Variants in SHISA6 observed in about 807,000 individuals in gnomAD.
The protein encoded by SHISA6 is shisa family member 6.
A neutral mutation model predicts 47.9 loss-of-function variants in SHISA6; 22 were observed. The observed-to-expected ratio is 0.46, with a 90% CI of 0.33 to 0.66. The LOEUF is 0.66. SHISA6 is among the 30% of genes least tolerant of loss of function. The pLI is 0.02. For missense variants in SHISA6, 680 were observed against 764.6 expected (o/e 0.89, Z 1.30); for synonymous variants, 388 against 337.8 (o/e 1.15, Z -1.63).
intron 2 of SHISA6, among the ~76,000 whole-genome samples, chr17:11,320,110 T>C (rs931621454): frequency 6.6e-6 from 1 of 152,210 alleles, no homozygotes; most frequent in African/African-American, 2.4e-5. Context: ...AATGAGGAAA[T>C]TAATGTAGGC....
intron 3 of SHISA6, among the ~76,000 whole-genome samples, chr17:11,483,801 TA>T (rs1370682616): frequency 1.3e-5 from 2 of 152,008 alleles, no homozygotes; most frequent in Non-Finnish European, 2.9e-5. Flanking sequence ...ATAAAAAAAT[TA>T]AAAATTTGCT....
At chr17:11,388,540 C>A (rs1458020044) in intron 3 of SHISA6, among the ~76,000 whole-genome samples, 2 of 151,848 alleles carry the variant, frequency 1.3e-5, no homozygotes, top group Non-Finnish European at 2.9e-5. Flanking sequence ...TACGGAGAAC[C>A]TGTCATTGCC....
intron 3 of SHISA6, among the ~76,000 whole-genome samples, chr17:11,483,864 G>A (rs1239766182): frequency 1.3e-5 from 2 of 152,176 alleles, no homozygotes; most frequent in African/African-American, 4.8e-5. Flanking sequence ...GCTGAGGCAG[G>A]AGGATCGCTT....
At position 11,303,810 on chromosome 17, in the gene SHISA6, G is replaced by T. The variant is rs114322666; in HGVS notation, c.799+40284G>T. Among the ~76,000 whole-genome samples the T allele has an allele frequency of 2.5e-3, 377 of 152,332 alleles. 5 individuals are homozygous for T. The highest frequency in any genetic ancestry group is 8.7e-3 in the African/African-American group (361 of 41,582). On this transcript the variant is annotated intron_variant, in intron 2 of 5. Transcript: ENST00000441885. ...GTTGTAAGGATGACTCCTCAGAGGA[G>T]TGTGCTGAGTTGGGGGTAAATGTGG...
intron 3 of SHISA6, among the ~76,000 whole-genome samples, chr17:11,419,638 T>C (rs1914394648): frequency 6.6e-6 from 1 of 152,190 alleles, no homozygotes; most frequent in African/African-American, 2.4e-5. Context: ...CTTATTTCTA[T>C]GCCAAACCAA....
chr17:11,462,036 A>G (rs1915704760), intron 3 of SHISA6, among the ~76,000 whole-genome samples: 1 of 152,222 alleles, frequency 6.6e-6, no homozygotes, highest in South Asian at 2.1e-4. Flanking sequence ...AGTAAGCCTT[A>G]GAGAAATGCA....
In SHISA6 at chr17:11,241,599, C is replaced by G. The variant is rs1443963351; in HGVS notation, c.177C>G (p.Asn59Lys). The G allele has an allele frequency of 8.0e-7, 1 of 1,256,298 alleles. No homozygotes were observed. The highest frequency in any genetic ancestry group is 4.5e-5 in the Admixed American group (1 of 22,412). 77.8% of individuals were successfully genotyped at this position (1,256,298 alleles called of 1,614,324 possible). The change falls in exon 1 of 6, where the codon AAC becomes AAG. Residue 59 changes from asparagine to lysine, a missense_variant. Around this residue, in one of 2 missense-constraint regions of SHISA6, gnomAD observed 121 missense variants for 90.5 expected, o/e 1.34. Transcript: ENST00000441885. This position sits in a 1 kb window ranked among gnomAD's most constrained non-coding sequence, Gnocchi z 5.5. Reference protein sequence around the residue: ...GALARGGRELNGTARAPGIPE... With the variant: ...GALARGGRELKGTARAPGIPE... ...TGGCACGGGGCGGCCGCGAGCTGAA[C>G]GGCACCGCCCGGGCGCCCGGAATCC...
chr17:11,257,114 C>G (rs1416655244), intron 1 of SHISA6, among the ~76,000 whole-genome samples: 1 of 152,224 alleles, frequency 6.6e-6, no homozygotes, highest in Non-Finnish European at 1.5e-5. Flanking sequence ...CGTTCTGAGC[C>G]TCTCTGTATG....
chr17:11,247,135 G>A (rs1380340084), intron 1 of SHISA6, among the ~76,000 whole-genome samples: 2 of 152,230 alleles, frequency 1.3e-5, no homozygotes, highest in African/African-American at 4.8e-5. Context: ...GTTTTAATGA[G>A]AGATCGGATT....
intron 2 of SHISA6, among the ~76,000 whole-genome samples, chr17:11,315,755 T>A (rs1910489274): frequency 6.6e-6 from 1 of 152,230 alleles, no homozygotes; most frequent in African/African-American, 2.4e-5. Context: ...GATGCTTTAT[T>A]GTATTACTAC....
At chr17:11,541,881 C>T (rs1331021720) in intron 3 of SHISA6, among the ~76,000 whole-genome samples, 2 of 152,150 alleles carry the variant, frequency 1.3e-5, no homozygotes, top group Non-Finnish European at 2.9e-5. Flanking sequence ...GCCCAGAACT[C>T]CAGTGAAGCT....
Position 11,276,765 on chromosome 17 carries a change from T to C in SHISA6, c.799+13239T>C, listed in dbSNP as rs148667429. ...ATCATCACCACGACCATCATCACCATCATCATCATCATCATTTTTGAACCA... is the reference window on the plus strand; with the variant it reads ...ATCATCACCACGACCATCATCACCACCATCATCATCATCATTTTTGAACCA... On this transcript the variant is annotated intron_variant, in intron 2 of 5. Coordinates refer to ENST00000441885, the MANE Select transcript of SHISA6 (RefSeq NM_207386.4). Among the ~76,000 whole-genome samples the C allele has an allele frequency of 5.5e-3, 844 of 152,130 alleles. 11 individuals carry two copies. Among genetic ancestry groups the C allele is most frequent in the African/African-American group, 0.019 (801 of 41,490 alleles).
chr17:11,430,951 G>A (rs570210591), intron 3 of SHISA6, among the ~76,000 whole-genome samples: 130 of 152,322 alleles, frequency 8.5e-4, no homozygotes, highest in African/African-American at 3.0e-3. Flanking sequence ...AGCTTGTCAC[G>A]GAGGAGCCTT....
At chr17:11,472,898 T>C (rs747663500) in intron 3 of SHISA6, among the ~76,000 whole-genome samples, 1 of 152,214 alleles carries the variant, frequency 6.6e-6, no homozygotes, top group Non-Finnish European at 1.5e-5. Context: ...TTGCATTTTC[T>C]TGATGACATA....
chr17:11,326,440 G>A (rs1219300108), intron 2 of SHISA6, among the ~76,000 whole-genome samples: 1 of 152,112 alleles, frequency 6.6e-6, no homozygotes, highest in South Asian at 2.1e-4. Flanking sequence ...TAGTATTGCA[G>A]GTTCTAAACT....
chr17:11,416,009 G>A (rs1038455415), intron 3 of SHISA6, among the ~76,000 whole-genome samples: 9 of 152,160 alleles, frequency 5.9e-5, no homozygotes, highest in Non-Finnish European at 8.8e-5. Context: ...ATATCCTCAC[G>A]TGGCAGAGAG....
At chr17:11,435,091 T>C (rs1263939310) in intron 3 of SHISA6, among the ~76,000 whole-genome samples, 1 of 150,650 alleles carries the variant, frequency 6.6e-6, no homozygotes, top group African/African-American at 2.5e-5. Flanking sequence ...AAAAGAGGCT[T>C]GAGAGCTTAT....
intron 3 of SHISA6, among the ~76,000 whole-genome samples, chr17:11,406,809 G>T (rs1035162483): frequency 6.6e-6 from 1 of 152,066 alleles, no homozygotes; most frequent in Non-Finnish European, 1.5e-5. Flanking sequence ...GCATGATTCT[G>T]ACTGGCATAT....
intron 3 of SHISA6, among the ~76,000 whole-genome samples, chr17:11,524,654 G>C (rs974786675): frequency 6.6e-6 from 1 of 151,982 alleles, no homozygotes; most frequent in African/African-American, 2.4e-5. Context: ...CTGCCATCAT[G>C]CTCAGCTAAT....
Sources: gnomAD v4.1 joint callset for allele counts (sites outside exome capture counted in the v4.1 genomes callset) on GRCh38, gnomAD v4.1.1 for gene constraint, gnomAD v4.1.1 regional missense constraint, Gnocchi (gnomAD v3.1) non-coding constraint, MANE v1.5 for transcripts, NCBI Gene and HGNC (gene_info 2026-07-23, HGNC 2026-07-21) for gene names.